The following TFAP2A variants were observed in gnomAD, a reference collection of about 807,000 sequenced individuals.
TFAP2A encodes transcription factor AP-2-alpha.
Under a neutral mutation model 41.5 loss-of-function variants are expected in TFAP2A, and 7 were observed. The observed-to-expected ratio is 0.17, with a 90% CI of 0.10 to 0.32. The LOEUF (loss-of-function observed/expected upper bound fraction) is 0.32. Among genes scored for constraint, TFAP2A ranks in the 10% least tolerant of loss-of-function variants. The pLI is 1.00. For synonymous variants in TFAP2A, 247 were observed against 242.8 expected (o/e 1.02, Z -0.16); for missense variants, 416 against 563.3 (o/e 0.74, Z 2.65).
At position 10,400,525 on chromosome 6, in the gene TFAP2A, T is replaced by C. The variant is rs767678528; in HGVS notation, c.954A>G (p.Ala318=). The C allele has an allele frequency of 1.4e-5, 22 of 1,614,092 alleles. No individual in the cohort carries two copies. Among genetic ancestry groups the C allele is most frequent in the Non-Finnish European group, 1.9e-5 (22 of 1,180,050 alleles). ...GTTGTCGGTTGAGAAATTCAGCTACTGCTTTGGCAGGAAATTCGGTTTCGC... is the reference window on the plus strand; with the variant it reads ...GTTGTCGGTTGAGAAATTCAGCTACCGCTTTGGCAGGAAATTCGGTTTCGC... ...YVCETEFPAK[A]VAEFLNRQHS... Residue 318 remains alanine, a synonymous_variant, in exon 6 of 7, where the codon GCA becomes GCG. Transcript: ENST00000379613.
chr6:10,404,207 C>A (rs1307931827), intron 4 of TFAP2A, among the ~76,000 whole-genome samples: 1 of 152,136 alleles, frequency 6.6e-6, no homozygotes, highest in Non-Finnish European at 1.5e-5. Flanking sequence ...GAGCGAGCTG[C>A]GCTTGCGCGA....
chr6:10,400,914 C>A, intron 5 of TFAP2A: 1 of 500,310 alleles, frequency 2.0e-6, no homozygotes, highest in South Asian at 1.7e-5. Flanking sequence ...CAACTTCACA[C>A]CTATCAACAC....
intron 1 of TFAP2A, chr6:10,411,604 G>C (rs1302765737): frequency 6.2e-7 from 1 of 1,614,082 alleles, no homozygotes; most frequent in Non-Finnish European, 8.5e-7. Flanking sequence ...CATCTGCGAA[G>C]AGTCTGGGGT....
chr6:10,402,220 T>C (rs1762035867), intron 5 of TFAP2A: 3 of 532,040 alleles, frequency 5.6e-6, no homozygotes, highest in Non-Finnish European at 1.1e-5. Flanking sequence ...TTGGAGAATG[T>C]GCAGTTCTTA....
chr6:10,415,380 G>C, upstream of TFAP2A: 1 of 808,814 alleles, frequency 1.2e-6, no homozygotes, highest in Non-Finnish European at 1.7e-6. Context: ...CTCCGACACA[G>C]GTATAAAGGC....
upstream of TFAP2A, chr6:10,416,835 C>CA (rs1561719368): frequency 6.6e-6 from 1 of 152,322 alleles, no homozygotes; most frequent in African/African-American, 2.4e-5. Context: ...CAGAAGGCTC[C>CA]AAAAAGCTAG....
At chr6:10,408,467 ACAAG>A (rs1292475421) in intron 2 of TFAP2A, among the ~76,000 whole-genome samples, 1 of 152,248 alleles carries the variant, frequency 6.6e-6, no homozygotes, top group Non-Finnish European at 1.5e-5. Flanking sequence ...TTTTCAAAGA[ACAAG>A]CAAGGAAAAG....
upstream of TFAP2A, chr6:10,419,553 C>G: frequency 1.4e-6 from 2 of 1,448,138 alleles, no homozygotes; most frequent in Admixed American, 1.7e-5. Flanking sequence ...CCTTTTTTAC[C>G]TGCTCACCAA....
At chr6:10,412,315 G>T (rs1273730596) in intron 1 of TFAP2A, 1 of 984,632 alleles carries the variant, frequency 1.0e-6, no homozygotes, top group African/African-American at 1.8e-5. Flanking sequence ...GAAAGAGAAA[G>T]AGGCAGAGAG....
intron 1 of TFAP2A, chr6:10,410,861 A>G (rs1404290210): frequency 6.2e-6 from 1 of 160,998 alleles, no homozygotes; most frequent in Non-Finnish European, 1.4e-5. Flanking sequence ...TTAAATTACC[A>G]GCTTAAAGAA....
intron 3 of TFAP2A, 48 bp from the exon 4 acceptor site, chr6:10,404,787 C>G: frequency 6.5e-7 from 1 of 1,548,034 alleles, no homozygotes; most frequent in Non-Finnish European, 8.9e-7. Context: ...TGGATCACCC[C>G]CAAATCCTGC....
chr6:10,415,128 G>A (rs34658766), upstream of TFAP2A: 299 of 1,564,984 alleles, frequency 1.9e-4, no homozygotes, highest in African/African-American at 3.7e-3. Context: ...GGAGGAGAAG[G>A]AGGAGGGAGA....
At chr6:10,404,245 G>A (rs1757571895) in intron 4 of TFAP2A, among the ~76,000 whole-genome samples, 1 of 152,198 alleles carries the variant, frequency 6.6e-6, no homozygotes, top group Non-Finnish European at 1.5e-5. Flanking sequence ...AGGACTCCGC[G>A]AGCGCGCGGC....
rs1479723294 is a variant in TFAP2A, at chr6:10,404,560, G to C, written c.718C>G (p.Leu240Val). The part of the protein sequence containing the change: ...KVTVAEVQRR[L>V]SPPECLNASL... ...GCGTTGAGACACTCGGGTGGTGAGA[G>C]CCGCCGCTGCACTTCCGCCACCGTG... Residue 240 changes from leucine to valine, a missense_variant, in exon 4 of 7, where the codon CTC becomes GTC. Physicochemically the swap from Leu to Val is conservative, Grantham distance 32 (BLOSUM62 1). Around this residue, in one of 3 missense-constraint regions of TFAP2A, gnomAD observed 59 missense variants for 135.4 expected, o/e 0.44. Transcript: ENST00000379613. The C allele has an allele frequency of 1.2e-6, 2 of 1,613,866 alleles. No individual in the cohort carries two copies. The highest frequency in any genetic ancestry group is 1.7e-6 in the Non-Finnish European group (2 of 1,179,888).
In TFAP2A at chr6:10,398,261, C is replaced by CG. The variant is rs879600114; in HGVS notation, c.*155dup. ...AGTCGAGAGGGCAGTCCCGGAGACT[C>CG]GGGGGGACCCAAGGGCAGCGGCGGC... On this transcript the variant is annotated 3_prime_UTR_variant, in exon 7 of 7. Coordinates refer to ENST00000379613, the MANE Select transcript of TFAP2A (RefSeq NM_001372066.1). The surrounding 1 kb of genome is among the most constrained non-coding windows in gnomAD (Gnocchi z 5.3). The CG allele has an allele frequency of 2.3e-5, 35 of 1,543,798 alleles. No individual in the cohort carries two copies. Among genetic ancestry groups the CG allele is most frequent in the Non-Finnish European group, 2.7e-5 (31 of 1,151,208 alleles).
chr6:10,401,670 CTT>C (rs895205823), intron 5 of TFAP2A, among the ~76,000 whole-genome samples: 1 of 151,964 alleles, frequency 6.6e-6, no homozygotes, highest in Admixed American at 6.6e-5. Context: ...ATTAAAGTAA[CTT>C]TTTTTTCCCT....
chr6:10,403,900 T>A (rs1044096338), intron 4 of TFAP2A, among the ~76,000 whole-genome samples: 1 of 152,048 alleles, frequency 6.6e-6, no homozygotes, highest in African/African-American at 2.4e-5. Context: ...CTCAGTAAAT[T>A]GGGAATCATC....
At chr6:10,413,622 G>T (rs1354446830) in intron 1 of TFAP2A, among the ~76,000 whole-genome samples, 1 of 152,166 alleles carries the variant, frequency 6.6e-6, no homozygotes, top group Non-Finnish European at 1.5e-5. Context: ...CTCCTCTAGC[G>T]CGACAGGACC....
chr6:10,405,962 C>T (rs1195326736), intron 3 of TFAP2A: 2 of 152,160 alleles, frequency 1.3e-5, no homozygotes, highest in Non-Finnish European at 2.9e-5. Flanking sequence ...TCTAATTTGA[C>T]GTGACAAAGA....
Sources: allele counts gnomAD v4.1 joint callset (sites outside exome capture counted in the v4.1 genomes callset), GRCh38; gene constraint gnomAD v4.1.1; regional missense constraint gnomAD v4.1.1; non-coding constraint Gnocchi (gnomAD v3.1); transcripts MANE v1.5; gene names NCBI Gene and HGNC (gene_info 2026-07-23, HGNC 2026-07-21).